Variants in MTNR1A observed in about 807,000 individuals in gnomAD.
MTNR1A encodes the protein melatonin receptor type 1A.
In MTNR1A, 7 loss-of-function variants were observed where a neutral mutation model predicts 5.5. The ratio of observed to expected loss-of-function variants is 1.28; its 90% confidence interval spans 0.73 to 2.40. The LOEUF (loss-of-function observed/expected upper bound fraction) is 2.40. Ranked by LOEUF, MTNR1A falls within the 30% of genes most tolerant of loss-of-function variation. MTNR1A has a pLI of 0.00. For missense variants in MTNR1A, 441 were observed against 464.4 expected, an observed-to-expected ratio of 0.95 and a Z score of 0.46; for synonymous variants, 196 against 202.7, an observed-to-expected ratio of 0.97 and a Z score of 0.28.
chr4:186,540,207 C>G (rs181524104), intron 1 of MTNR1A, among the ~76,000 whole-genome samples: 2 of 152,296 alleles, frequency 1.3e-5, no homozygotes, highest in East Asian at 3.9e-4. Context: ...CACCAGGTCC[C>G]TGACAACCCA....
At position 186,534,560 on chromosome 4, in the gene MTNR1A, G is replaced by C. The variant is rs1422669889; in HGVS notation, c.185-3C>G. 3 of 1,610,188 alleles carry C rather than the reference G, an allele frequency of 1.9e-6. No individual in the cohort carries two copies. The highest frequency in any genetic ancestry group is 2.5e-6 in the Non-Finnish European group (3 of 1,180,004). ...TAAGCTCACCACAAAGATGTTTCCTGAAAGAGAATCGTTTAGAAAATACAG... is the reference window on the plus strand; with the variant it reads ...TAAGCTCACCACAAAGATGTTTCCTCAAAGAGAATCGTTTAGAAAATACAG... On this transcript the variant is annotated splice_region_variant and splice_polypyrimidine_tract_variant and intron_variant, in intron 1 of 1. Transcript: ENST00000307161.
chr4:186,549,714 C>T (rs551206714), intron 1 of MTNR1A, among the ~76,000 whole-genome samples: 239 of 152,260 alleles, frequency 1.6e-3, no homozygotes, highest in African/African-American at 5.3e-3. Flanking sequence ...TAAAGTGCCT[C>T]GATAGAAAGT....
At chr4:186,552,430 C>G (rs1457026758) in intron 1 of MTNR1A, among the ~76,000 whole-genome samples, 1 of 152,066 alleles carries the variant, frequency 6.6e-6, no homozygotes, top group African/African-American at 2.4e-5. Flanking sequence ...TTTGAATAGG[C>G]AAGATAGTAT....
chr4:186,545,303 T>C (rs1278991217), intron 1 of MTNR1A, among the ~76,000 whole-genome samples: 3 of 152,178 alleles, frequency 2.0e-5, no homozygotes, highest in Non-Finnish European at 4.4e-5. Flanking sequence ...TTACAGGCTG[T>C]AGCTGCCCAC....
In MTNR1A at chr4:186,534,357, T is replaced by C. The variant is rs746172727; in HGVS notation, c.385A>G (p.Ile129Val). ...TTGTCGTACTTGAGACTGTGGCAGATGTAGCAGTAGCGGTTGATGGCGATG... is the reference window on the plus strand; with the variant it reads ...TTGTCGTACTTGAGACTGTGGCAGACGTAGCAGTAGCGGTTGATGGCGATG... The part of the protein sequence containing the change: ...TGIAINRYCY[I>V]CHSLKYDKLY... Residue 129 changes from isoleucine to valine, a missense_variant, in exon 2 of 2, where the codon ATC becomes GTC. Coordinates refer to ENST00000307161, the MANE Select transcript of MTNR1A (RefSeq NM_005958.4). 2.5e-6 allele frequency: 4 copies of C among 1,614,012 alleles called. No homozygotes were observed. Among genetic ancestry groups the C allele is most frequent in the Non-Finnish European group, 2.5e-6 (3 of 1,180,022 alleles).
Position 186,533,825 on chromosome 4 carries a change from T to C in MTNR1A, c.917A>G (p.Tyr306Cys). The change falls in exon 2 of 2, where the codon TAC becomes TGC. Residue 306 changes from tyrosine to cysteine, a missense_variant. Tyr to Cys is a radical substitution (Grantham distance 194). Coordinates refer to ENST00000307161, the MANE Select transcript of MTNR1A (RefSeq NM_005958.4). ...GLLNQNFRKEYRRIIVSLCTA... is the reference protein window; with the variant it reads ...GLLNQNFRKECRRIIVSLCTA... Reference sequence around the variant, plus strand: ...ACAGAGCGAGACTATAATTCTCCTGTATTCCTTCCTGAAATTTTGGTTCAG... The same window carrying C: ...ACAGAGCGAGACTATAATTCTCCTGCATTCCTTCCTGAAATTTTGGTTCAG... 6.2e-7 allele frequency: 1 copy of C among 1,614,220 alleles called. No individual in the cohort carries two copies. Among genetic ancestry groups the C allele is most frequent in the East Asian group, 2.2e-5 (1 of 44,882 alleles).
chr4:186,546,780 C>T (rs1278613296), intron 1 of MTNR1A, among the ~76,000 whole-genome samples: 1 of 148,782 alleles, frequency 6.7e-6, no homozygotes, highest in African/African-American at 2.5e-5. Flanking sequence ...ATCCACACCA[C>T]ACCCTGTTCA....
chr4:186,555,314 C>A lies in MTNR1A; in HGVS notation c.52G>T (p.Gly18Trp). The change falls in exon 1 of 2, where the codon GGG (glycine) becomes TGG (tryptophan). Residue 18 changes from glycine to tryptophan, a missense_variant. By Grantham distance (184) the Gly-to-Trp change is radical. Transcript: ENST00000307161. The surrounding 1 kb of genome is among the most constrained non-coding windows in gnomAD (Gnocchi z 4.1). ...LPNASQPVLR[G>W]DGARPSWLAS... ...AGCCACGAGGGCCGCGCGCCGTCCC[C>A]GCGGAGCACGGGCTGGGAGGCGTTG... 1 of 1,546,880 alleles carries A rather than the reference C, an allele frequency of 6.5e-7. No homozygotes were observed. Among genetic ancestry groups the A allele is most frequent in the Non-Finnish European group, 8.7e-7 (1 of 1,145,884 alleles).
At chr4:186,550,924 G>A (rs1737254638) in intron 1 of MTNR1A, among the ~76,000 whole-genome samples, 1 of 152,098 alleles carries the variant, frequency 6.6e-6, no homozygotes, top group Admixed American at 6.5e-5. Context: ...AAGATAGAAA[G>A]TCATAGAAAA....
chr4:186,538,248 G>T (rs1484817275), intron 1 of MTNR1A, among the ~76,000 whole-genome samples: 1 of 152,196 alleles, frequency 6.6e-6, no homozygotes, highest in Non-Finnish European at 1.5e-5. Flanking sequence ...ACAGTACCTG[G>T]CCGAGGGTTA....
intron 1 of MTNR1A, among the ~76,000 whole-genome samples, chr4:186,536,236 C>T (rs1736846550): frequency 6.6e-6 from 1 of 151,714 alleles, no homozygotes; most frequent in Admixed American, 6.6e-5. Context: ...ATCCCAACTA[C>T]TTGGAAGGCT....
chr4:186,551,412 TG>T (rs1387606350), intron 1 of MTNR1A, among the ~76,000 whole-genome samples: 1 of 148,530 alleles, frequency 6.7e-6, no homozygotes, highest in African/African-American at 2.6e-5. Context: ...ATTGTCTACT[TG>T]TTTTTTTTTT....
chr4:186,538,754 T>G (rs192464108), intron 1 of MTNR1A, among the ~76,000 whole-genome samples: 1 of 152,342 alleles, frequency 6.6e-6, no homozygotes, highest in Non-Finnish European at 1.5e-5. Context: ...TGATACAGAA[T>G]TTGGTTCTGG....
chr4:186,555,068 A>G lies in MTNR1A; in HGVS notation c.184+114T>C. On this transcript the variant is annotated intron_variant, in intron 1 of 1. Coordinates refer to ENST00000307161, the MANE Select transcript of MTNR1A (RefSeq NM_005958.4). This position sits in a 1 kb window ranked among gnomAD's most constrained non-coding sequence, Gnocchi z 4.1. ...AGAGTCCTCTCTAACAGGAAAAATAACTCCAAGTCCGCAGTGTTTAGGAAA... is the reference window on the plus strand; with the variant it reads ...AGAGTCCTCTCTAACAGGAAAAATAGCTCCAAGTCCGCAGTGTTTAGGAAA... The G allele has an allele frequency of 8.3e-7, 1 of 1,201,438 alleles. No individual in the cohort carries two copies. The allele number at this position is 1,201,438 out of a possible 1,614,324, so 74.4% of individuals were successfully genotyped here.
At position 186,555,089 on chromosome 4, in the gene MTNR1A, G is replaced by A. The variant is rs1423253135; in HGVS notation, c.184+93C>T. 3.7e-6 allele frequency: 5 copies of A among 1,348,736 alleles called. No individual in the cohort carries two copies. The East Asian group carries it at 1.0e-4, about 27-fold the overall frequency. The allele number at this position is 1,348,736 out of a possible 1,614,324, so 83.5% of individuals were successfully genotyped here. On this transcript the variant is annotated intron_variant, in intron 1 of 1. Coordinates refer to ENST00000307161, the MANE Select transcript of MTNR1A (RefSeq NM_005958.4). This position sits in a 1 kb window ranked among gnomAD's most constrained non-coding sequence, Gnocchi z 4.1. ...AATAACTCCAAGTCCGCAGTGTTTA[G>A]GAAAAAGAACCAAGTGCTTGGGGAA... is the stretch of plus-strand genomic sequence containing the variant.
At chr4:186,551,777 T>C (rs1737271183) in intron 1 of MTNR1A, among the ~76,000 whole-genome samples, 1 of 152,100 alleles carries the variant, frequency 6.6e-6, no homozygotes, top group Non-Finnish European at 1.5e-5. Flanking sequence ...ACTCTATGCA[T>C]CCTCTCTGAG....
chr4:186,555,463 C>T lies in MTNR1A; in HGVS notation c.-98G>A. The T allele has an allele frequency of 9.5e-7, 1 of 1,050,646 alleles. No individual in the cohort carries two copies. 65.1% of individuals were successfully genotyped at this position (1,050,646 alleles called of 1,614,324 possible). On this transcript the variant is annotated 5_prime_UTR_variant, in exon 1 of 2. Transcript: ENST00000307161. The surrounding 1 kb of genome is among the most constrained non-coding windows in gnomAD (Gnocchi z 4.1). ...CGCCCGGCGCTCCCCGCGCCCACGC[C>T]CCATCCCGCGCGCTCCTCCACGCCG... is the stretch of plus-strand genomic sequence containing the variant.
intron 1 of MTNR1A, among the ~76,000 whole-genome samples, chr4:186,539,213 T>TA (rs59170135): frequency 0.18 from 20,373 of 115,054 alleles, 2,052 homozygotes; most frequent in East Asian, 0.51. Context: ...AAGACTCCAT[T>TA]AAAAAAAAAA....
At chr4:186,535,148 T>C (rs988695950) in intron 1 of MTNR1A, among the ~76,000 whole-genome samples, 4 of 152,146 alleles carry the variant, frequency 2.6e-5, no homozygotes, top group South Asian at 2.1e-4. Context: ...CCCTGGATGA[T>C]GGGATAATGA....
Sources: allele counts gnomAD v4.1 joint callset (sites outside exome capture counted in the v4.1 genomes callset), GRCh38; gene constraint gnomAD v4.1.1; non-coding constraint Gnocchi (gnomAD v3.1); transcripts MANE v1.5; gene names NCBI Gene and HGNC (gene_info 2026-07-23, HGNC 2026-07-21).